The following ARNT2 variants were observed in gnomAD, a reference collection of about 807,000 sequenced individuals.
The protein encoded by ARNT2 is aryl hydrocarbon receptor nuclear translocator 2.
ARNT2 carries 36 observed loss-of-function variants against 91.7 expected under a neutral mutation model. That is an observed-to-expected ratio of 0.39 (90% confidence interval 0.30 to 0.52). The LOEUF is 0.52. Ranked by LOEUF, ARNT2 falls within the 20% of genes least tolerant of loss-of-function variation. The pLI, the probability that ARNT2 is intolerant of heterozygous loss-of-function variation, is 0.72. For synonymous variants in ARNT2, 365 were observed against 347.1 expected, an observed-to-expected ratio of 1.05 and a Z score of -0.57; for missense variants, 775 against 939.3, an observed-to-expected ratio of 0.83 and a Z score of 2.29.
intron 6 of ARNT2, among the ~76,000 whole-genome samples, chr15:80,510,006 T>G (rs1231379540): frequency 6.6e-6 from 1 of 152,142 alleles, no homozygotes; most frequent in African/African-American, 2.4e-5. Flanking sequence ...TGAATAACAT[T>G]ACTAAAAACT....
At chr15:80,461,273 TCA>T (rs1896548262) in intron 3 of ARNT2, among the ~76,000 whole-genome samples, 1 of 152,186 alleles carries the variant, frequency 6.6e-6, no homozygotes, top group Admixed American at 6.5e-5. Flanking sequence ...GAGGCTTTTC[TCA>T]GACTCAGGGT....
rs1595993043 is a variant in ARNT2 at position 80,513,981 on chromosome 15, G to A, written c.791+5G>A. ...CACCATGAGGAAAAGGTTCAGGTCA[G>A]TATCTCTTCCGATGTATATTTTGGG... is the stretch of plus-strand genomic sequence containing the variant. On this transcript the variant is annotated splice_donor_5th_base_variant and intron_variant, in intron 7 of 18. Coordinates refer to ENST00000303329, the MANE Select transcript of ARNT2 (RefSeq NM_014862.4). 5.0e-6 allele frequency: 8 copies of A among 1,610,490 alleles called. No homozygotes were observed. Among genetic ancestry groups the A allele is most frequent in the Non-Finnish European group, 6.8e-6 (8 of 1,176,720 alleles).
intron 10 of ARNT2, 97 bp downstream of exon 10, chr15:80,552,871 G>T: frequency 1.4e-6 from 2 of 1,464,148 alleles, no homozygotes; most frequent in Non-Finnish European, 9.3e-7. Flanking sequence ...ATGGCCATGT[G>T]GAGAAACATC....
At chr15:80,553,458 A>G (rs1898120357) in intron 10 of ARNT2, among the ~76,000 whole-genome samples, 2 of 152,210 alleles carry the variant, frequency 1.3e-5, no homozygotes, top group African/African-American at 2.4e-5. Context: ...ATGATAGCAC[A>G]TTGTCGTTTT....
intron 1 of ARNT2, among the ~76,000 whole-genome samples, chr15:80,434,918 A>C (rs1162178058): frequency 1.3e-5 from 2 of 152,122 alleles, no homozygotes; most frequent in Admixed American, 1.3e-4. Flanking sequence ...TGGGAGATGG[A>C]TACAACAGGG....
intron 1 of ARNT2, among the ~76,000 whole-genome samples, chr15:80,418,161 C>T (rs75015035): frequency 2.6e-5 from 4 of 152,150 alleles, no homozygotes; most frequent in African/African-American, 9.7e-5. Context: ...GGAGGAAAAA[C>T]CAGATGTGCT....
intron 1 of ARNT2, among the ~76,000 whole-genome samples, chr15:80,432,425 A>T (rs1164007394): frequency 1.3e-5 from 2 of 152,250 alleles, no homozygotes; most frequent in African/African-American, 4.8e-5. Context: ...ATGGAAAAAA[A>T]ACACCAAAAG....
chr15:80,495,337 G>A (rs1473268807), intron 5 of ARNT2, among the ~76,000 whole-genome samples: 1 of 152,184 alleles, frequency 6.6e-6, no homozygotes, highest in Admixed American at 6.5e-5. Flanking sequence ...GTGTACACAG[G>A]AGCTCTCCCG....
chr15:80,490,704 T>C (rs1897043644), intron 5 of ARNT2, among the ~76,000 whole-genome samples: 1 of 152,202 alleles, frequency 6.6e-6, no homozygotes, highest in Non-Finnish European at 1.5e-5. Context: ...TCTTCACAGA[T>C]GAAGGGGAAA....
intron 12 of ARNT2, among the ~76,000 whole-genome samples, chr15:80,570,877 T>C (rs1898571928): frequency 6.6e-6 from 1 of 152,192 alleles, no homozygotes; most frequent in Non-Finnish European, 1.5e-5. Context: ...ACTGAATGAA[T>C]GACTCTTCTG....
At chr15:80,447,610 C>T (rs1487475972) in intron 1 of ARNT2, among the ~76,000 whole-genome samples, 2 of 152,216 alleles carry the variant, frequency 1.3e-5, no homozygotes, top group Non-Finnish European at 2.9e-5. Context: ...AAGAACTTTG[C>T]TTGCTTCGAC....
chr15:80,564,272 GCCTC>G (rs2141468537), intron 12 of ARNT2, among the ~76,000 whole-genome samples: 1 of 152,224 alleles, frequency 6.6e-6, no homozygotes, highest in African/African-American at 2.4e-5. Flanking sequence ...CTTCTCGGTA[GCCTC>G]CCTGGGATTC....
At chr15:80,447,209 G>T (rs1896318740) in intron 1 of ARNT2, among the ~76,000 whole-genome samples, 1 of 152,184 alleles carries the variant, frequency 6.6e-6, no homozygotes, top group South Asian at 2.1e-4. Context: ...CTATGTCTGT[G>T]TTAGGTCCAG....
chr15:80,590,345 AT>A, intron 17 of ARNT2, among the ~76,000 whole-genome samples: 1 of 152,326 alleles, frequency 6.6e-6, no homozygotes, highest in East Asian at 1.9e-4. Flanking sequence ...CTCTGAAGGT[AT>A]TTTTTTAAGC....
chr15:80,582,881 G>A (rs1287779072), intron 17 of ARNT2, among the ~76,000 whole-genome samples: 2 of 152,160 alleles, frequency 1.3e-5, no homozygotes, highest in African/African-American at 2.4e-5. Flanking sequence ...GCAGTCACAC[G>A]TGAGATCCTT....
chr15:80,423,771 A>G (rs1567175906), intron 1 of ARNT2, among the ~76,000 whole-genome samples: 1 of 92,904 alleles, frequency 1.1e-5, no homozygotes, highest in African/African-American at 3.4e-5. Context: ...AGAGGGAGAA[A>G]GAGGCAGAGA....
chr15:80,439,701 G>A (rs1258071257), intron 1 of ARNT2, among the ~76,000 whole-genome samples: 2 of 152,168 alleles, frequency 1.3e-5, no homozygotes, highest in South Asian at 2.1e-4. Context: ...ATGCATCTTG[G>A]TCATTCATTT....
chr15:80,463,046 T>A (rs1231735363), intron 3 of ARNT2, among the ~76,000 whole-genome samples: 1 of 152,328 alleles, frequency 6.6e-6, no homozygotes, highest in East Asian at 1.9e-4. Flanking sequence ...GGTAGACGTG[T>A]CCTGCAGAGG....
At chr15:80,485,920 A>G (rs1308976641) in intron 5 of ARNT2, among the ~76,000 whole-genome samples, 1 of 152,228 alleles carries the variant, frequency 6.6e-6, no homozygotes. Flanking sequence ...TGGCTGCCGT[A>G]GTACATTACT....
Sources: gnomAD v4.1 joint callset for allele counts (sites outside exome capture counted in the v4.1 genomes callset) on GRCh38, gnomAD v4.1.1 for gene constraint, MANE v1.5 for transcripts, NCBI Gene and HGNC (gene_info 2026-07-23, HGNC 2026-07-21) for gene names.